The following ZNF799 variants were observed in gnomAD, a reference collection of about 807,000 sequenced individuals.
The protein encoded by ZNF799 is zinc finger protein 799.
ZNF799 carries 28 observed loss-of-function variants against 41.0 expected under a neutral mutation model. The observed-to-expected ratio is 0.68, with a 90% CI of 0.51 to 0.94. The LOEUF (loss-of-function observed/expected upper bound fraction) is 0.94. ZNF799 is among the 40% of genes least tolerant of loss of function. ZNF799 has a pLI of 0.00. For missense variants in ZNF799, 716 were observed against 764.3 expected, an observed-to-expected ratio of 0.94 and a Z score of 0.74; for synonymous variants, 213 against 252.9, an observed-to-expected ratio of 0.84 and a Z score of 1.50.
chr19:12,409,158 T>C, the ZNF799 span, among the ~76,000 whole-genome samples: 1 of 152,202 alleles, frequency 6.6e-6, no homozygotes, highest in Non-Finnish European at 1.5e-5. Context: ...ATGAAACTGT[T>C]CCACCTCACA....
In ZNF799 at chr19:12,391,279, C is replaced by T. The variant is rs371737646; in HGVS notation, c.1119G>A (p.Ala373=). Residue 373 remains alanine, a synonymous_variant, in exon 4 of 4, where the codon GCG becomes GCA. Transcript: ENST00000430385. The part of the protein sequence containing the change: ...KLYECKQCGK[A]LSHSSSFRRH... ...TTCGAAAGCTTGAGCTATGAGATAA[C>T]GCTTTCCCACACTGCTTGCATTCAT... 159 of 1,614,004 alleles carry T rather than the reference C, an allele frequency of 9.9e-5. No homozygotes were observed. Among genetic ancestry groups the T allele is most frequent in the African/African-American group, 4.0e-4 (30 of 74,996 alleles).
At chr19:12,409,742 A>T in the ZNF799 span, among the ~76,000 whole-genome samples, 2 of 152,232 alleles carry the variant, frequency 1.3e-5, no homozygotes, top group Admixed American at 6.5e-5. Flanking sequence ...TAACAGAAAC[A>T]CAGTTGAAAA....
the ZNF799 span, among the ~76,000 whole-genome samples, chr19:12,410,071 C>T: frequency 2.0e-5 from 3 of 151,768 alleles, no homozygotes; most frequent in South Asian, 2.1e-4. Flanking sequence ...TTGCTTAAAC[C>T]CGGGAGGTGG....
intron 1 of ZNF799, among the ~76,000 whole-genome samples, chr19:12,399,108 A>G (rs1407154185): frequency 6.6e-6 from 1 of 152,226 alleles, no homozygotes; most frequent in Non-Finnish European, 1.5e-5. Flanking sequence ...TTTAGGCTGA[A>G]AAGAGTAAAC....
chr19:12,398,366 A>G (rs1969931059), intron 1 of ZNF799: 1 of 152,068 alleles, frequency 6.6e-6, no homozygotes, highest in African/African-American at 2.4e-5. Flanking sequence ...TATGCTTTAC[A>G]TGGATATTTA....
At chr19:12,402,214 A>C (rs540779886), upstream of ZNF799, among the ~76,000 whole-genome samples, 29 of 152,340 alleles carry the variant, frequency 1.9e-4, no homozygotes, top group Non-Finnish European at 2.9e-4. Flanking sequence ...AAGTAGCTTC[A>C]GATTGTTCAC....
chr19:12,401,385 A>T, upstream of ZNF799: 1 of 674,518 alleles, frequency 1.5e-6, no homozygotes, highest in South Asian at 2.3e-5. Context: ...CCAGATGAGC[A>T]AGTTCCTGAC....
chr19:12,400,846 G>T, intron 1 of ZNF799: 2 of 715,848 alleles, frequency 2.8e-6, no homozygotes, highest in Non-Finnish European at 4.5e-6. Context: ...CCCAGAGAGG[G>T]CGCCGGGGCC....
the ZNF799 span, among the ~76,000 whole-genome samples, chr19:12,412,269 G>A: frequency 3.3e-5 from 5 of 152,132 alleles, no homozygotes; most frequent in African/African-American, 7.2e-5. Flanking sequence ...TTCAGCTCAT[G>A]AGTCCCCCTC....
Position 12,391,731 on chromosome 19 carries a change from T to C in ZNF799, c.667A>G (p.Lys223Glu). The C allele has an allele frequency of 6.2e-7, 1 of 1,614,102 alleles. No individual in the cohort carries two copies. Among genetic ancestry groups the C allele is most frequent in the South Asian group, 1.1e-5 (1 of 91,068 alleles). ...HMHERTHTGEKPYECKQCSKA... is the reference protein window; with the variant it reads ...HMHERTHTGEEPYECKQCSKA... ...GAACACTGCTTACATTCATATGGTT[T>C]CTCTCCAGTGTGCGTTCTCTCATGC... The change falls in exon 4 of 4, where the codon AAA becomes GAA. Residue 223 changes from lysine to glutamate, a missense_variant. By Grantham distance (56) the Lys-to-Glu change is moderately conservative. Coordinates refer to ENST00000430385, the MANE Select transcript of ZNF799 (RefSeq NM_001080821.3).
upstream of ZNF799, among the ~76,000 whole-genome samples, chr19:12,403,310 G>A (rs1970010755): frequency 6.6e-6 from 1 of 151,518 alleles, no homozygotes; most frequent in Admixed American, 6.6e-5. Context: ...ATTTATTTGG[G>A]CCTTTCTGTT....
At position 12,391,558 on chromosome 19, in the gene ZNF799, G is replaced by C. The variant is rs1474733369; in HGVS notation, c.840C>G (p.Pro280=). The part of the protein sequence containing the change: ...RHERTHTGKK[P]YTCKQCGKAF... ...CTTTCCCACATTGTTTACATGTATA[G>C]GGTTTCTTTCCAGTGTGAGTTCTTT... The change falls in exon 4 of 4, where the codon CCC becomes CCG. Residue 280 remains proline (P), a synonymous_variant. Coordinates refer to ENST00000430385, the MANE Select transcript of ZNF799 (RefSeq NM_001080821.3). 1.9e-6 allele frequency: 3 copies of C among 1,613,986 alleles called. No individual in the cohort carries two copies. The highest frequency in any genetic ancestry group is 2.5e-6 in the Non-Finnish European group (3 of 1,179,978).
At chr19:12,414,388 A>G in the ZNF799 span, among the ~76,000 whole-genome samples, 7 of 152,244 alleles carry the variant, frequency 4.6e-5, no homozygotes, top group East Asian at 5.8e-4. Flanking sequence ...CCTGTACTCA[A>G]TGAGCTCTTA....
intron 1 of ZNF799, among the ~76,000 whole-genome samples, chr19:12,396,321 G>C (rs1354590168): frequency 2.0e-5 from 3 of 152,244 alleles, no homozygotes; most frequent in Admixed American, 2.0e-4. Flanking sequence ...AAGAAAACCA[G>C]AATACAGATA....
rs528418211 is a variant in ZNF799, at chr19:12,393,771, C to T, written c.4-348G>A. 12 of 1,109,824 alleles carry T rather than the reference C, an allele frequency of 1.1e-5. No individual in the cohort carries two copies. In the East Asian group the frequency reaches 5.9e-4, roughly 54 times the overall value. The allele number at this position is 1,109,824 out of a possible 1,614,324, so 68.7% of individuals were successfully genotyped here. On this transcript the variant is annotated intron_variant, in intron 1 of 3. Coordinates refer to ENST00000430385, the MANE Select transcript of ZNF799 (RefSeq NM_001080821.3). Reference sequence around the variant, plus strand: ...CTACTTATTGTGCAAAAGGGAGTTACCATTAGCAGTGCTGAGACTGTGTGT... The same window carrying T: ...CTACTTATTGTGCAAAAGGGAGTTATCATTAGCAGTGCTGAGACTGTGTGT...
At chr19:12,394,664 AAAG>A in intron 1 of ZNF799, 1 of 985,458 alleles carries the variant, frequency 1.0e-6, no homozygotes, top group Non-Finnish European at 1.2e-6. Context: ...AAGGGGAAAG[AAAG>A]AAGGGGAAAG....
chr19:12,396,259 A>G (rs1472821593), intron 1 of ZNF799, among the ~76,000 whole-genome samples: 2 of 152,408 alleles, frequency 1.3e-5, no homozygotes, highest in South Asian at 4.1e-4. Context: ...CGTTAAAACA[A>G]CTATCTTAAA....
the ZNF799 span, among the ~76,000 whole-genome samples, chr19:12,406,345 A>G: frequency 2.0e-5 from 3 of 148,654 alleles, no homozygotes; most frequent in African/African-American, 4.9e-5. Context: ...ATAGCCGGGC[A>G]TGGTGGCAGG....
chr19:12,409,837 T>G, the ZNF799 span, among the ~76,000 whole-genome samples: 6 of 152,216 alleles, frequency 3.9e-5, no homozygotes, highest in South Asian at 1.2e-3. Flanking sequence ...TTAAATATTC[T>G]GAAGTTGATG....
Sources: allele counts gnomAD v4.1 joint callset (sites outside exome capture counted in the v4.1 genomes callset), GRCh38; gene constraint gnomAD v4.1.1; transcripts MANE v1.5; gene names NCBI Gene and HGNC (gene_info 2026-07-23, HGNC 2026-07-21).